Variants in SLC13A2 observed in about 807,000 individuals in gnomAD.
SLC13A2 encodes solute carrier family 13 member 2.
In SLC13A2, 40 loss-of-function variants were observed where a neutral mutation model predicts 58.5. The ratio of observed to expected loss-of-function variants is 0.68; its 90% CI spans 0.53 to 0.89. The LOEUF (loss-of-function observed/expected upper bound fraction) is 0.89, where lower values mean the gene tolerates loss of function less well. SLC13A2 is among the 40% of genes least tolerant of loss of function. The pLI is 0.00. For missense variants in SLC13A2, 694 were observed against 772.6 expected (o/e 0.90, Z 1.21); for synonymous variants, 341 against 331.6 (o/e 1.03, Z -0.31).
chr17:28,489,246 G>A lies in SLC13A2; in HGVS notation c.135G>A (p.Met45Ile), dbSNP rs782779042. 3.1e-6 allele frequency: 5 copies of A among 1,613,898 alleles called. No homozygotes were observed. In the African/African-American group the frequency reaches 6.7e-5, roughly 22 times the overall value. The change falls in exon 2 of 12, where the codon ATG (methionine) becomes ATA (isoleucine). Residue 45 changes from methionine (M) to isoleucine (I), a missense_variant. By Grantham distance (10) the Met-to-Ile change is conservative (BLOSUM62 1). Transcript: ENST00000314669. ...EAYCAYAIILMALFWCTEALP... is the reference protein window; with the variant it reads ...EAYCAYAIILIALFWCTEALP... Reference sequence around the variant, plus strand: ...ACTGCGCGTATGCCATCATCCTCATGGCGCTCTTCTGGTGCACTGAGGCCC... The same window carrying A: ...ACTGCGCGTATGCCATCATCCTCATAGCGCTCTTCTGGTGCACTGAGGCCC...
intron 9 of SLC13A2, among the ~76,000 whole-genome samples, chr17:28,495,421 C>T (rs907347836): frequency 6.6e-6 from 1 of 152,192 alleles, no homozygotes; most frequent in African/African-American, 2.4e-5. Context: ...CAAGAAGGCC[C>T]TTTGGCCCCC....
Position 28,473,845 on chromosome 17 carries a change from C to G in SLC13A2, c.102+31C>G, listed in dbSNP as rs527347230. On this transcript the variant is annotated intron_variant, in intron 1 of 11. Transcript: ENST00000314669. Reference sequence around the variant, plus strand: ...GACTTGGTGTTCTGAGCACAGATAACTCCAGGGGGCAGAGGAGGGACTGTC... The same window carrying G: ...GACTTGGTGTTCTGAGCACAGATAAGTCCAGGGGGCAGAGGAGGGACTGTC... 6 of 1,588,670 alleles carry G rather than the reference C, an allele frequency of 3.8e-6. No homozygotes were observed. In the South Asian group the frequency reaches 6.7e-5, roughly 18 times the overall value.
chr17:28,482,604 A>ACT (rs1261333568), intron 1 of SLC13A2, among the ~76,000 whole-genome samples: 2 of 151,752 alleles, frequency 1.3e-5, no homozygotes, highest in Non-Finnish European at 2.9e-5. Context: ...TGACCATGCC[A>ACT]CTCTCTCTCT....
intron 6 of SLC13A2, 148 bp from the exon 7 acceptor site, chr17:28,493,423 T>C (rs1218958792): frequency 6.3e-6 from 4 of 632,140 alleles, no homozygotes; most frequent in Non-Finnish European, 1.1e-5. Context: ...CTGCTCCTCC[T>C]CCAGAACCTC....
rs11443311 is a variant in SLC13A2 at position 28,489,351 on chromosome 17, C to CT, written c.231+9_231+10insT. On this transcript the variant is annotated intron_variant, in intron 2 of 11. Transcript: ENST00000314669. ...TCGTGGATGCCTCTGAGGTGAGCCCCATCCATAGGAGAAAGCGTTCTGGGC... is the reference window on the plus strand; with the variant it reads ...TCGTGGATGCCTCTGAGGTGAGCCCCTATCCATAGGAGAAAGCGTTCTGGGC... The CT allele has an allele frequency of 1.2e-6, 2 of 1,612,044 alleles. No individual in the cohort carries two copies. Among genetic ancestry groups the CT allele is most frequent in the Non-Finnish European group, 1.7e-6 (2 of 1,179,068 alleles).
At chr17:28,488,060 G>A (rs1232674155) in intron 1 of SLC13A2, among the ~76,000 whole-genome samples, 3 of 152,114 alleles carry the variant, frequency 2.0e-5, no homozygotes, top group Admixed American at 6.5e-5. Context: ...CATCTATAAG[G>A]TGGGACCCCC....
Position 28,497,106 on chromosome 17 carries a change from C to G in SLC13A2, c.1616C>G (p.Ala539Gly), listed in dbSNP as rs781998737. The G allele has an allele frequency of 6.2e-7, 1 of 1,613,924 alleles. No homozygotes were observed. Among genetic ancestry groups the G allele is most frequent in the South Asian group, 1.1e-5 (1 of 91,052 alleles). Residue 539 changes from alanine (A) to glycine (G), a missense_variant, in exon 12 of 12, where the codon GCA becomes GGA. Ala to Gly is a moderately conservative substitution (Grantham distance 60). Coordinates refer to ENST00000314669, the MANE Select transcript of SLC13A2 (RefSeq NM_003984.4). ...GDLKVLDMAR[A>G]GFLLNIIGVL... Reference sequence around the variant, plus strand: ...GGACTCTCCTCACACCAGGCCCGGGCAGGATTCCTCCTCAACATCATTGGA... The same window carrying G: ...GGACTCTCCTCACACCAGGCCCGGGGAGGATTCCTCCTCAACATCATTGGA...
In SLC13A2 at chr17:28,496,225, C is replaced by A. The variant is rs545128395; in HGVS notation, c.1471-225C>A. ...GAGATCAGTTTTATGGGCCCCTCCCCTCACCACACCCCACAAGGCAGGGCA... is the reference window on the plus strand; with the variant it reads ...GAGATCAGTTTTATGGGCCCCTCCCATCACCACACCCCACAAGGCAGGGCA... On this transcript the variant is annotated intron_variant, in intron 10 of 11. Transcript: ENST00000314669. This position sits in a 1 kb window ranked among gnomAD's most constrained non-coding sequence, Gnocchi z 4.2. Among the ~76,000 whole-genome samples, 1 of 152,214 alleles carries A rather than the reference C, an allele frequency of 6.6e-6. No individual in the cohort carries two copies. Among genetic ancestry groups the A allele is most frequent in the Non-Finnish European group, 1.5e-5 (1 of 68,042 alleles).
Position 28,489,337 on chromosome 17 carries a change from T to C in SLC13A2, c.226T>C (p.Ser76Pro), listed in dbSNP as rs782011596. 6.3e-7 allele frequency: 1 copy of C among 1,589,288 alleles called. No homozygotes were observed. Among genetic ancestry groups the C allele is most frequent in the South Asian group, 1.1e-5 (1 of 89,958 alleles). The change falls in exon 2 of 12, where the codon TCT (serine) becomes CCT (proline). Residue 76 changes from serine to proline, a missense_variant. Ser to Pro is a moderately conservative substitution (Grantham distance 74). Transcript: ENST00000314669. ...LFPMMGIVDA[S>P]EVAVEYLKDS... ...CCCTATGATGGGCATCGTGGATGCC[T>C]CTGAGGTGAGCCCCATCCATAGGAG...
intron 1 of SLC13A2, among the ~76,000 whole-genome samples, chr17:28,476,467 C>T (rs1027822147): frequency 9.2e-5 from 14 of 152,196 alleles, no homozygotes; most frequent in East Asian, 5.8e-4. Flanking sequence ...AGGATAAAAC[C>T]TCTTCAAGCA....
chr17:28,487,047 C>G (rs781905067), intron 1 of SLC13A2, among the ~76,000 whole-genome samples: 1 of 152,192 alleles, frequency 6.6e-6, no homozygotes, highest in Non-Finnish European at 1.5e-5. Context: ...ATCAGCCCCC[C>G]ACGGCCTCCC....
intron 1 of SLC13A2, among the ~76,000 whole-genome samples, chr17:28,485,920 A>G (rs1555601892): frequency 6.6e-6 from 1 of 152,190 alleles, no homozygotes. Flanking sequence ...GCCTGTGCCC[A>G]GCACTGGAGG....
chr17:28,473,903 A>G (rs1167706541), intron 1 of SLC13A2, 89 bp downstream of exon 1: 2 of 1,087,448 alleles, frequency 1.8e-6, no homozygotes, highest in East Asian at 2.6e-5. Context: ...AGGATCCAGC[A>G]TAACTTCCTC....
chr17:28,479,392 T>C (rs999345983), intron 1 of SLC13A2, among the ~76,000 whole-genome samples: 11 of 152,060 alleles, frequency 7.2e-5, no homozygotes, highest in Admixed American at 6.5e-4. Flanking sequence ...ACTAGATTGC[T>C]TAAGTCAAGT....
chr17:28,495,559 G>A, intron 9 of SLC13A2, 96 bp from the exon 10 acceptor site: 1 of 1,228,022 alleles, frequency 8.1e-7, no homozygotes, highest in Non-Finnish European at 1.2e-6. Context: ...ATACCAGGGA[G>A]ATGTTAGCAG....
chr17:28,495,416 A>C (rs1390465635), intron 9 of SLC13A2, among the ~76,000 whole-genome samples: 1 of 152,110 alleles, frequency 6.6e-6, no homozygotes, highest in Non-Finnish European at 1.5e-5. Context: ...TTTCCCAAGA[A>C]GGCCCTTTGG....
At chr17:28,479,260 G>A (rs1303674843) in intron 1 of SLC13A2, among the ~76,000 whole-genome samples, 4 of 152,182 alleles carry the variant, frequency 2.6e-5, no homozygotes, top group Admixed American at 6.5e-5. Flanking sequence ...TGGGTAAAGA[G>A]CCATCCAGGC....
intron 1 of SLC13A2, chr17:28,487,525 C>A: frequency 1.0e-6 from 1 of 985,348 alleles, no homozygotes; most frequent in Non-Finnish European, 1.2e-6. Context: ...AATACTTATA[C>A]AGAAACTTCT....
At chr17:28,483,113 C>T (rs1024029300) in intron 1 of SLC13A2, among the ~76,000 whole-genome samples, 2 of 152,240 alleles carry the variant, frequency 1.3e-5, no homozygotes, top group African/African-American at 4.8e-5. Flanking sequence ...ACATGTGCTG[C>T]TGCCTGACAG....
Sources: allele counts gnomAD v4.1 joint callset (sites outside exome capture counted in the v4.1 genomes callset), GRCh38; gene constraint gnomAD v4.1.1; non-coding constraint Gnocchi (gnomAD v3.1); transcripts MANE v1.5; gene names NCBI Gene and HGNC (gene_info 2026-07-23, HGNC 2026-07-21).